PARD6G: variants seen among roughly 807,000 people sequenced by gnomAD.
The protein encoded by PARD6G is partitioning defective 6 homolog gamma.
Under a neutral mutation model 10.7 loss-of-function variants are expected in PARD6G, and 7 were observed. The ratio of observed to expected loss-of-function variants is 0.66; its 90% confidence interval spans 0.37 to 1.23. PARD6G has a LOEUF of 1.23. PARD6G is among the 50% of genes most tolerant of loss of function. The pLI is 0.02. For synonymous variants in PARD6G, 287 were observed against 269.4 expected (o/e 1.07, Z -0.64); for missense variants, 548 against 571.8 (o/e 0.96, Z 0.42).
chr18:80,176,725 C>T (rs775618544), intron 2 of PARD6G, among the ~76,000 whole-genome samples: 8 of 152,126 alleles, frequency 5.3e-5, no homozygotes, highest in Non-Finnish European at 7.4e-5. Context: ...TGGAGAAGGC[C>T]GAGCTCCCGA....
intron 1 of PARD6G, among the ~76,000 whole-genome samples, chr18:80,240,359 T>G (rs1967476310): frequency 6.6e-6 from 1 of 152,198 alleles, no homozygotes; most frequent in Non-Finnish European, 1.5e-5. Flanking sequence ...AAAAGTAATT[T>G]TCTAAATTTG....
chr18:80,203,107 T>C, intron 1 of PARD6G, 175 bp from the exon 2 acceptor site: 1 of 555,660 alleles, frequency 1.8e-6, no homozygotes, highest in South Asian at 2.0e-5. Flanking sequence ...TTATGAATAG[T>C]GCTGGAATGA....
chr18:80,221,197 G>A (rs921804394), intron 1 of PARD6G, among the ~76,000 whole-genome samples: 7 of 152,080 alleles, frequency 4.6e-5, no homozygotes, highest in East Asian at 3.9e-4. Context: ...TAAGAGGGAT[G>A]CCAATTTATG....
In PARD6G at chr18:80,246,272, C is replaced by T. The variant is rs1196166900; in HGVS notation, c.72+1005G>A. ...AGCGAAAGACTCGAGGGGCCCCCTC[C>T]CGCAGGACCCCGAACAACTGCAGCA... On this transcript the variant is annotated intron_variant, in intron 1 of 2. Transcript: ENST00000353265. This position sits in a 1 kb window ranked among gnomAD's most constrained non-coding sequence, Gnocchi z 6.7. Among the ~76,000 whole-genome samples, 1 of 152,208 alleles carries T rather than the reference C, an allele frequency of 6.6e-6. No individual in the cohort carries two copies. The highest frequency in any genetic ancestry group is 2.4e-5 in the African/African-American group (1 of 41,462).
chr18:80,222,390 G>T (rs987895039), intron 1 of PARD6G, among the ~76,000 whole-genome samples: 4 of 152,024 alleles, frequency 2.6e-5, no homozygotes, highest in Non-Finnish European at 5.9e-5. Flanking sequence ...CACCCAGCCG[G>T]AAGACTTAAT....
rs1169209707 is a variant in PARD6G, at chr18:80,200,947, T to A, written c.295+1763A>T. On this transcript the variant is annotated intron_variant, in intron 2 of 2. Transcript: ENST00000353265. The surrounding 1 kb of genome is among the most constrained non-coding windows in gnomAD (Gnocchi z 4.4). ...TCCACAGTCAGCGGGACAAAAAGAC[T>A]TGTTTCCTGCACGATGGGCAACAAA... Among the ~76,000 whole-genome samples, 1 of 152,238 alleles carries A rather than the reference T, an allele frequency of 6.6e-6. No individual in the cohort carries two copies. The highest frequency in any genetic ancestry group is 1.9e-4 in the East Asian group (1 of 5,196).
In PARD6G at chr18:80,158,538, C is replaced by G. The variant is rs1057379709; in HGVS notation, c.*1233G>C. 8 of 152,286 alleles carry G rather than the reference C, an allele frequency of 5.3e-5. No homozygotes were observed. Among genetic ancestry groups the G allele is most frequent in the Non-Finnish European group, 8.8e-5 (6 of 68,104 alleles). The allele number at this position is 152,286 out of a possible 1,614,324, so 9.4% of individuals were successfully genotyped here. On this transcript the variant is annotated 3_prime_UTR_variant, in exon 3 of 3. Transcript: ENST00000353265. ...TTCCCCTTGAGGCTGAATGGGCCAC[C>G]TATGTGGGTCACAAAAATAGCCCCT...
At chr18:80,222,136 G>A (rs1047346820) in intron 1 of PARD6G, among the ~76,000 whole-genome samples, 4 of 151,818 alleles carry the variant, frequency 2.6e-5, no homozygotes, top group Non-Finnish European at 4.4e-5. Flanking sequence ...CCAGGCTGGA[G>A]TGCAGTGGTG....
At chr18:80,244,007 G>A (rs1269872741) in intron 1 of PARD6G, among the ~76,000 whole-genome samples, 4 of 152,140 alleles carry the variant, frequency 2.6e-5, no homozygotes, top group Admixed American at 6.5e-5. Context: ...CAATACTGAC[G>A]TAGGTAAAGG....
intron 1 of PARD6G, among the ~76,000 whole-genome samples, chr18:80,221,105 C>G (rs1190162057): frequency 1.6e-4 from 24 of 152,026 alleles, no homozygotes; most frequent in Admixed American, 1.6e-3. Flanking sequence ...TTTTCTTAGT[C>G]CAGACCCAGA....
rs991014815 is a variant in PARD6G, at chr18:80,173,936, G to A, written c.296-13330C>T. On this transcript the variant is annotated intron_variant, in intron 2 of 2. Transcript: ENST00000353265. ...TTCCAGGTCACAACAGGTCACTAATGCCCGAATTGCCTTGGCTTTGTGGCT... is the reference window on the plus strand; with the variant it reads ...TTCCAGGTCACAACAGGTCACTAATACCCGAATTGCCTTGGCTTTGTGGCT... 5.3e-5 allele frequency among the ~76,000 whole-genome samples: 8 copies of A among 152,138 alleles called. No individual in the cohort carries two copies. In the East Asian group the frequency reaches 5.8e-4, roughly 11 times the overall value.
In PARD6G at chr18:80,160,272, C is replaced by A. The variant is rs1426085867; in HGVS notation, c.630G>T (p.Leu210=). Residue 210 remains leucine, a synonymous_variant, in exon 3 of 3, where the codon CTG becomes CTT. Coordinates refer to ENST00000353265, the MANE Select transcript of PARD6G (RefSeq NM_032510.4). Reference sequence around the variant, plus strand: ...CCTCCAGGACCTCGTCATTCACAGCCAGCAGCCCGGTGCTCTCCGCCAGGC... The same window carrying A: ...CCTCCAGGACCTCGTCATTCACAGCAAGCAGCCCGGTGCTCTCCGCCAGGC... ...PGGLAESTGL[L]AVNDEVLEVN... is the part of the protein sequence containing the mutation. 6.2e-7 allele frequency: 1 copy of A among 1,612,562 alleles called. No homozygotes were observed. Among genetic ancestry groups the A allele is most frequent in the East Asian group, 2.2e-5 (1 of 44,836 alleles).
Position 80,210,944 on chromosome 18 carries a change from G to A in PARD6G, c.73-8012C>T, listed in dbSNP as rs1044897302. 2.3e-5 allele frequency among the ~76,000 whole-genome samples: 3 copies of A among 130,448 alleles called. No homozygotes were observed. In the Admixed American group the frequency reaches 3.0e-4, roughly 13 times the overall value. 85.6% of individuals were successfully genotyped at this position (130,448 alleles called of 152,430 possible). On this transcript the variant is annotated intron_variant, in intron 1 of 2. Transcript: ENST00000353265. Reference sequence around the variant, plus strand: ...AGTCATTCCTTTGAGTCAATACATTGAAGGCCTCTGTTAAAATATGATCTG... The same window carrying A: ...AGTCATTCCTTTGAGTCAATACATTAAAGGCCTCTGTTAAAATATGATCTG...
intron 1 of PARD6G, among the ~76,000 whole-genome samples, chr18:80,240,936 A>G (rs1339933868): frequency 6.6e-6 from 1 of 152,210 alleles, no homozygotes; most frequent in Non-Finnish European, 1.5e-5. Flanking sequence ...CACATGCCCT[A>G]TGCCTGCCAC....
At chr18:80,223,945 T>G (rs1179633161) in intron 1 of PARD6G, among the ~76,000 whole-genome samples, 6 of 152,208 alleles carry the variant, frequency 3.9e-5, no homozygotes, top group African/African-American at 7.2e-5. Context: ...CCAACCCAGC[T>G]GGCAGGGCTG....
chr18:80,168,665 T>C (rs951084739), intron 2 of PARD6G, among the ~76,000 whole-genome samples: 4 of 151,754 alleles, frequency 2.6e-5, no homozygotes, highest in Admixed American at 1.3e-4. Context: ...TCACCCAGGC[T>C]GGAGTGCAAT....
intron 2 of PARD6G, among the ~76,000 whole-genome samples, chr18:80,194,787 A>C (rs1469651445): frequency 6.6e-6 from 1 of 152,098 alleles, no homozygotes; most frequent in Non-Finnish European, 1.5e-5. Context: ...GATGGACATA[A>C]CTGAGGGGGG....
chr18:80,240,502 T>C (rs908538271), intron 1 of PARD6G, among the ~76,000 whole-genome samples: 3 of 152,128 alleles, frequency 2.0e-5, no homozygotes, highest in African/African-American at 2.4e-5. Context: ...AATGCTGAGC[T>C]CTTCCTTACA....
intron 2 of PARD6G, among the ~76,000 whole-genome samples, chr18:80,190,329 C>A (rs1206738570): frequency 6.6e-6 from 1 of 152,158 alleles, no homozygotes; most frequent in East Asian, 1.9e-4. Flanking sequence ...GTGCTGAGGG[C>A]AAAGCCTCCT....
Sources: gnomAD v4.1 joint callset for allele counts (sites outside exome capture counted in the v4.1 genomes callset) on GRCh38, gnomAD v4.1.1 for gene constraint, Gnocchi (gnomAD v3.1) non-coding constraint, MANE v1.5 for transcripts, NCBI Gene and HGNC (gene_info 2026-07-23, HGNC 2026-07-21) for gene names.